CACNA2D3: variants seen among roughly 807,000 people sequenced by gnomAD.
The protein encoded by CACNA2D3 is calcium voltage-gated channel auxiliary subunit alpha2delta 3, also known as voltage-dependent calcium channel subunit alpha-2/delta-3.
A neutral mutation model predicts 160.6 loss-of-function variants in CACNA2D3; 60 were observed. The observed-to-expected ratio is 0.37, with a 90% confidence interval of 0.30 to 0.46. CACNA2D3 has a LOEUF of 0.46. Among genes scored for constraint, CACNA2D3 ranks in the 20% least tolerant of loss-of-function variants. CACNA2D3 has a pLI of 1.00. For missense variants in CACNA2D3, 1,205 were observed against 1,365.0 expected (o/e 0.88, Z 1.85); for synonymous variants, 558 against 492.9 (o/e 1.13, Z -1.75).
chr3:55,008,295 G>C (rs1703139194), intron 33 of CACNA2D3, among the ~76,000 whole-genome samples: 1 of 152,142 alleles, frequency 6.6e-6, no homozygotes, highest in African/African-American at 2.4e-5. Flanking sequence ...TGTTTATTCT[G>C]TCAAACTATG....
chr3:54,463,359 C>T (rs1233807971), intron 4 of CACNA2D3, among the ~76,000 whole-genome samples: 2 of 152,162 alleles, frequency 1.3e-5, no homozygotes, highest in Non-Finnish European at 2.9e-5. Flanking sequence ...TGGATAATAT[C>T]CTGCAGAGTG....
intron 8 of CACNA2D3, 108 bp from the exon 9 acceptor site, chr3:54,581,695 C>G: frequency 1.3e-6 from 1 of 798,618 alleles, no homozygotes; most frequent in Non-Finnish European, 2.1e-6. Flanking sequence ...ATAAATGGAG[C>G]CTGTGATTGT....
intron 11 of CACNA2D3, among the ~76,000 whole-genome samples, chr3:54,716,877 A>G (rs1406556820): frequency 1.3e-5 from 2 of 150,590 alleles, no homozygotes; most frequent in Middle Eastern, 3.3e-3. Context: ...TCAAAAATGC[A>G]TGTGATAAGG....
At chr3:54,206,375 G>T (rs1701277229) in intron 2 of CACNA2D3, among the ~76,000 whole-genome samples, 1 of 152,142 alleles carries the variant, frequency 6.6e-6, no homozygotes, top group African/African-American at 2.4e-5. Context: ...GCTGAGCTCA[G>T]ATTATTATGA....
At chr3:54,811,280 A>G (rs184199914) in intron 13 of CACNA2D3, among the ~76,000 whole-genome samples, 2 of 152,114 alleles carry the variant, frequency 1.3e-5, no homozygotes, top group African/African-American at 4.8e-5. Context: ...TGCCTCTCCC[A>G]TAGTCATCTT....
Position 54,668,443 on chromosome 3 carries a change from G to C in CACNA2D3, c.1167+26202G>C, listed in dbSNP as rs138479141. ...GAAGCTGACATGTGGGTTCACCTCC[G>C]CCATTGTTCAAGGAAGCATCCGTGG... is the stretch of plus-strand genomic sequence containing the variant. On this transcript the variant is annotated intron_variant, in intron 11 of 37. Coordinates refer to ENST00000474759, the MANE Select transcript of CACNA2D3 (RefSeq NM_018398.3). Among the ~76,000 whole-genome samples, 11 of 152,226 alleles carry C rather than the reference G, an allele frequency of 7.2e-5. No homozygotes were observed. In the East Asian group the frequency reaches 2.1e-3, roughly 29 times the overall value.
chr3:54,917,118 T>C lies in CACNA2D3; in HGVS notation c.2449+17250T>C, dbSNP rs1700681067. 2.0e-5 allele frequency among the ~76,000 whole-genome samples: 3 copies of C among 152,192 alleles called. No homozygotes were observed. The South Asian group carries it at 6.2e-4, about 32-fold the overall frequency. On this transcript the variant is annotated intron_variant, in intron 27 of 37. Coordinates refer to ENST00000474759, the MANE Select transcript of CACNA2D3 (RefSeq NM_018398.3). Reference sequence around the variant, plus strand: ...GCATCATGAGAGAGAACAGGTAGATTCCACTTTAAGAAAACCTAGCATGAG... The same window carrying C: ...GCATCATGAGAGAGAACAGGTAGATCCCACTTTAAGAAAACCTAGCATGAG...
chr3:54,805,377 C>G (rs1012055567), intron 13 of CACNA2D3, among the ~76,000 whole-genome samples: 24 of 152,280 alleles, frequency 1.6e-4, no homozygotes, highest in African/African-American at 4.1e-4. Context: ...GATATCACTA[C>G]CGATCCCACA....
At chr3:55,069,056 A>G (rs2107230980) in intron 35 of CACNA2D3, among the ~76,000 whole-genome samples, 1 of 152,204 alleles carries the variant, frequency 6.6e-6, no homozygotes, top group Middle Eastern at 3.4e-3. Flanking sequence ...TCAAATCATT[A>G]TTTTCACTTA....
intron 4 of CACNA2D3, among the ~76,000 whole-genome samples, chr3:54,463,165 C>A (rs1194947873): frequency 6.6e-6 from 1 of 152,044 alleles, no homozygotes; most frequent in Non-Finnish European, 1.5e-5. Context: ...TGATGGGCTT[C>A]CCTTTGTGGG....
intron 2 of CACNA2D3, among the ~76,000 whole-genome samples, chr3:54,208,360 G>A (rs1167960014): frequency 1.3e-5 from 2 of 152,050 alleles, no homozygotes; most frequent in South Asian, 2.1e-4. Flanking sequence ...TGTCTATCTC[G>A]GCCTTCCAAA....
intron 11 of CACNA2D3, among the ~76,000 whole-genome samples, chr3:54,643,227 G>A (rs780514866): frequency 1.1e-4 from 17 of 152,132 alleles, no homozygotes; most frequent in African/African-American, 3.6e-4. Flanking sequence ...AAAAAGAAAC[G>A]GGAGACAAAT....
chr3:55,052,214 T>G (rs1235736794), intron 35 of CACNA2D3, among the ~76,000 whole-genome samples: 4 of 152,186 alleles, frequency 2.6e-5, no homozygotes, highest in Admixed American at 6.5e-5. Context: ...AGCTGTATCG[T>G]TCATTTGAAA....
chr3:54,603,060 C>G (rs1703093546), intron 9 of CACNA2D3, among the ~76,000 whole-genome samples: 1 of 152,148 alleles, frequency 6.6e-6, no homozygotes, highest in African/African-American at 2.4e-5. Flanking sequence ...GTGTCACTAT[C>G]AACAAATGTG....
intron 9 of CACNA2D3, among the ~76,000 whole-genome samples, chr3:54,608,569 G>A (rs1023503778): frequency 5.3e-5 from 8 of 151,940 alleles, no homozygotes; most frequent in African/African-American, 9.7e-5. Context: ...TTTAACCACC[G>A]TAAGGTTTTT....
chr3:54,427,115 G>A (rs1699921891), intron 4 of CACNA2D3, among the ~76,000 whole-genome samples: 1 of 152,096 alleles, frequency 6.6e-6, no homozygotes, highest in African/African-American at 2.4e-5. Flanking sequence ...GCAGGAACGA[G>A]ACTGTTTACT....
intron 31 of CACNA2D3, among the ~76,000 whole-genome samples, chr3:55,001,170 A>T (rs1174749341): frequency 6.6e-6 from 1 of 152,218 alleles, no homozygotes; most frequent in Non-Finnish European, 1.5e-5. Context: ...CATGGACAGA[A>T]GTTCCTGCAT....
chr3:54,967,370 G>T (rs1559449953), intron 27 of CACNA2D3, among the ~76,000 whole-genome samples: 1 of 152,142 alleles, frequency 6.6e-6, no homozygotes. Flanking sequence ...AAAATTTTTA[G>T]AGTATTTAAG....
In CACNA2D3 at chr3:54,837,221, G is replaced by A. The variant is rs1291550567; in HGVS notation, c.1461G>A (p.Gln487=). ...TTVAMPVFSK[Q]NETRSKGILL... ...TAGCCATGCCTGTGTTTAGTAAGCA[G>A]AACGAAACCGTGAGTACAGTCGCTG... is the stretch of plus-strand genomic sequence containing the variant. Residue 487 remains glutamine, a synonymous_variant, in exon 15 of 38, where the codon CAG becomes CAA. Coordinates refer to ENST00000474759, the MANE Select transcript of CACNA2D3 (RefSeq NM_018398.3). 6.2e-7 allele frequency: 1 copy of A among 1,613,796 alleles called. No individual in the cohort carries two copies. The highest frequency in any genetic ancestry group is 8.5e-7 in the Non-Finnish European group (1 of 1,179,804).
Sources: gnomAD v4.1 joint callset for allele counts (sites outside exome capture counted in the v4.1 genomes callset) on GRCh38, gnomAD v4.1.1 for gene constraint, MANE v1.5 for transcripts, NCBI Gene and HGNC (gene_info 2026-07-23, HGNC 2026-07-21) for gene names.